The following MICU1 variants were observed in gnomAD, a reference collection of about 807,000 sequenced individuals.
MICU1 encodes the protein calcium uptake protein 1, mitochondrial.
A neutral mutation model predicts 56.8 loss-of-function variants in MICU1; 45 were observed. The observed-to-expected ratio is 0.79, with a 90% CI of 0.62 to 1.02. MICU1 has a LOEUF of 1.02. MICU1 is among the 50% of genes least tolerant of loss of function. The probability of loss-of-function intolerance (pLI) is 0.00; values close to 1 mark genes in which losing one functional copy is unlikely to be tolerated. For synonymous variants in MICU1, 186 were observed against 195.1 expected, an observed-to-expected ratio of 0.95 and a Z score of 0.39; for missense variants, 504 against 587.1, an observed-to-expected ratio of 0.86 and a Z score of 1.46.
At chr10:72,466,566 CA>C (rs1208757482) in intron 8 of MICU1, among the ~76,000 whole-genome samples, 27 of 152,264 alleles carry the variant, frequency 1.8e-4, no homozygotes, top group African/African-American at 5.5e-4. Flanking sequence ...TGTCATTGAA[CA>C]TATCATTTTG....
intron 6 of MICU1, among the ~76,000 whole-genome samples, chr10:72,493,609 T>C (rs1326872423): frequency 1.3e-5 from 2 of 152,038 alleles, no homozygotes; most frequent in Non-Finnish European, 2.9e-5. Flanking sequence ...CCCATCACCA[T>C]GCCTGACTAA....
intron 11 of MICU1, among the ~76,000 whole-genome samples, chr10:72,371,050 T>A (rs1862316326): frequency 6.7e-6 from 1 of 150,030 alleles, no homozygotes; most frequent in Non-Finnish European, 1.5e-5. Flanking sequence ...GAAATTGTAC[T>A]TTTCCATATA....
intron 10 of MICU1, among the ~76,000 whole-genome samples, chr10:72,394,641 C>T (rs1400208331): frequency 2.6e-5 from 4 of 151,266 alleles, no homozygotes; most frequent in African/African-American, 9.7e-5. Flanking sequence ...AAAAAAAAAC[C>T]CACCCATATG....
Position 72,477,176 on chromosome 10 carries a change from G to T in MICU1, c.733C>A (p.Gln245Lys). Reference protein sequence around the residue: ...DGEVDMEEFEQVQSIIRSQTS... With the variant: ...DGEVDMEEFEKVQSIIRSQTS... Reference sequence around the variant, plus strand: ...AGGAACTCTCCAGGACAACTTGCCTGTTCAAATTCTTCCATATCTACTTCT... The same window carrying T: ...AGGAACTCTCCAGGACAACTTGCCTTTTCAAATTCTTCCATATCTACTTCT... Residue 245 changes from glutamine to lysine, a missense_variant and splice_region_variant, in exon 7 of 12, where the codon CAG becomes AAG. By Grantham distance (53) the Gln-to-Lys change is moderately conservative. Coordinates refer to ENST00000361114, the MANE Select transcript of MICU1 (RefSeq NM_001195518.2). 2 of 1,542,118 alleles carry T rather than the reference G, an allele frequency of 1.3e-6. No homozygotes were observed. The highest frequency in any genetic ancestry group is 1.7e-6 in the Non-Finnish European group (2 of 1,143,812).
At chr10:72,443,837 A>G (rs1397076409) in intron 8 of MICU1, among the ~76,000 whole-genome samples, 1 of 151,828 alleles carries the variant, frequency 6.6e-6, no homozygotes, top group East Asian at 1.9e-4. Flanking sequence ...ATCTAGAACT[A>G]GAAATACCAT....
chr10:72,611,067 G>A (rs1841830736), intron 1 of MICU1, among the ~76,000 whole-genome samples: 1 of 152,176 alleles, frequency 6.6e-6, no homozygotes, highest in Non-Finnish European at 1.5e-5. Context: ...CACTTTGGGA[G>A]GCCGAGGCGG....
chr10:72,433,637 T>G (rs951735769), intron 8 of MICU1, among the ~76,000 whole-genome samples: 14 of 151,740 alleles, frequency 9.2e-5, no homozygotes, highest in Admixed American at 7.9e-4. Flanking sequence ...ACCATGTTGG[T>G]CAGGCTGGTC....
intron 2 of MICU1, among the ~76,000 whole-genome samples, chr10:72,565,477 C>A (rs866029598): frequency 3.7e-5 from 4 of 109,160 alleles, no homozygotes; most frequent in Non-Finnish European, 6.8e-5. Context: ...CATCACACGC[C>A]GGGGCCTGTT....
intron 1 of MICU1, among the ~76,000 whole-genome samples, chr10:72,589,292 G>GA (rs756908942): frequency 0.056 from 7,803 of 140,060 alleles, 686 homozygotes; most frequent in African/African-American, 0.19. Context: ...CCGTCTCAGG[G>GA]AAAAAAAAAA....
chr10:72,464,295 CA>C (rs58499998), intron 8 of MICU1, among the ~76,000 whole-genome samples: 1,637 of 99,712 alleles, frequency 0.016, 8 homozygotes, highest in African/African-American at 0.053. Flanking sequence ...GATTCTGTCT[CA>C]AAAAAAAAAA....
chr10:72,604,472 C>T (rs1291783488), intron 1 of MICU1, among the ~76,000 whole-genome samples: 1 of 152,034 alleles, frequency 6.6e-6, no homozygotes, highest in Admixed American at 6.6e-5. Flanking sequence ...GGGGTTTCTC[C>T]ACGTTGGTCA....
intron 10 of MICU1, among the ~76,000 whole-genome samples, chr10:72,387,331 C>T (rs148270968): frequency 3.3e-5 from 5 of 152,282 alleles, no homozygotes; most frequent in African/African-American, 7.2e-5. Flanking sequence ...CCTCACCCTA[C>T]GCTCTTACTA....
chr10:72,437,900 A>G lies in MICU1; in HGVS notation c.934-14529T>C, dbSNP rs564191208. Among the ~76,000 whole-genome samples the G allele has an allele frequency of 1.4e-4, 22 of 152,338 alleles. No individual in the cohort carries two copies. In the South Asian group the frequency reaches 4.4e-3, roughly 30 times the overall value. On this transcript the variant is annotated intron_variant, in intron 8 of 11. Coordinates refer to ENST00000361114, the MANE Select transcript of MICU1 (RefSeq NM_001195518.2). ...CAGGAGCACCCAGATTCATAAAGTA[A>G]GTCCTTAGAGACCTACAAAGAGACC... is the stretch of plus-strand genomic sequence containing the variant.
Position 72,431,963 on chromosome 10 carries a change from G to A in MICU1, c.934-8592C>T, listed in dbSNP as rs76619700. Among the ~76,000 whole-genome samples the A allele has an allele frequency of 3.8e-3, 576 of 152,030 alleles. 6 individuals carry two copies. The highest frequency in any genetic ancestry group is 0.02 in the South Asian group (96 of 4,826). On this transcript the variant is annotated intron_variant, in intron 8 of 11. Coordinates refer to ENST00000361114, the MANE Select transcript of MICU1 (RefSeq NM_001195518.2). ...TAGGTTGACCATTTTTCTAACATAT[G>A]TAGTGGTCATTTATATTTCTTCCTC...
At chr10:72,516,795 T>C (rs1254736015) in intron 5 of MICU1, among the ~76,000 whole-genome samples, 1 of 152,200 alleles carries the variant, frequency 6.6e-6, no homozygotes, top group African/African-American at 2.4e-5. Context: ...TTGGTCTATA[T>C]GTCGTTTTGT....
chr10:72,402,505 T>C (rs1863487426), intron 10 of MICU1, among the ~76,000 whole-genome samples: 1 of 152,086 alleles, frequency 6.6e-6, no homozygotes, highest in African/African-American at 2.4e-5. Flanking sequence ...TCAGGGCAAC[T>C]TGAATCCATG....
chr10:72,377,089 C>G (rs572897117), intron 10 of MICU1, among the ~76,000 whole-genome samples: 23 of 151,708 alleles, frequency 1.5e-4, no homozygotes, highest in African/African-American at 5.6e-4. Context: ...GGTATATGCA[C>G]TGGCCCTTGT....
chr10:72,519,020 C>A (rs941514185), intron 5 of MICU1, among the ~76,000 whole-genome samples: 2 of 152,160 alleles, frequency 1.3e-5, no homozygotes, highest in African/African-American at 4.8e-5. Flanking sequence ...ATTGCAGATA[C>A]CTTACAGAGC....
At chr10:72,420,523 T>G (rs893460255) in intron 9 of MICU1, among the ~76,000 whole-genome samples, 5 of 152,202 alleles carry the variant, frequency 3.3e-5, no homozygotes, top group Non-Finnish European at 5.9e-5. Flanking sequence ...AAATCTCTCA[T>G]GGAACATTTT....
Sources: gnomAD v4.1 joint callset for allele counts (sites outside exome capture counted in the v4.1 genomes callset) on GRCh38, gnomAD v4.1.1 for gene constraint, MANE v1.5 for transcripts, NCBI Gene and HGNC (gene_info 2026-07-23, HGNC 2026-07-21) for gene names.